The following ABTB3 variants were observed in gnomAD, a reference collection of about 807,000 sequenced individuals.
The protein encoded by ABTB3 is ankyrin repeat and BTB domain containing 3, also known as ankyrin repeat- and BTB/POZ domain-containing protein 3.
the ABTB3 span, among the ~76,000 whole-genome samples, chr12:107,387,948 T>TCTC: frequency 0.044 from 6,469 of 146,942 alleles, 212 homozygotes; most frequent in Middle Eastern, 0.092. Context: ...CCTTCTCTTT[T>TCTC]CTCCTCTTCT....
At chr12:107,401,141 C>T in the ABTB3 span, among the ~76,000 whole-genome samples, 1 of 152,190 alleles carries the variant, frequency 6.6e-6, no homozygotes, top group Non-Finnish European at 1.5e-5. Flanking sequence ...CTGTCTGTAC[C>T]ATGTTTCCCA....
chr12:107,383,598 T>C, the ABTB3 span, among the ~76,000 whole-genome samples: 1 of 152,222 alleles, frequency 6.6e-6, no homozygotes, highest in African/African-American at 2.4e-5. Context: ...TTCACAGTTA[T>C]TATCAGTGTT....
At chr12:107,385,464 C>T in the ABTB3 span, among the ~76,000 whole-genome samples, 5 of 152,268 alleles carry the variant, frequency 3.3e-5, no homozygotes, top group Admixed American at 6.5e-5. Flanking sequence ...TCTCCCATTA[C>T]ATGACAAATA....
chr12:107,346,689 G>A, the ABTB3 span, among the ~76,000 whole-genome samples: 1 of 152,168 alleles, frequency 6.6e-6, no homozygotes, highest in Non-Finnish European at 1.5e-5. Context: ...TCAATCTCCT[G>A]ACCTTGTGAT....
chr12:107,540,300 C>A, the ABTB3 span, among the ~76,000 whole-genome samples: 2 of 152,126 alleles, frequency 1.3e-5, no homozygotes, highest in African/African-American at 4.8e-5. Context: ...AGTGTTCCAG[C>A]TCCAGAAGAG....
the ABTB3 span, among the ~76,000 whole-genome samples, chr12:107,642,818 T>A: frequency 6.2e-4 from 63 of 101,438 alleles, no homozygotes; most frequent in African/African-American, 2.0e-3. Flanking sequence ...CATTTCTCCT[T>A]CTGTTTGGGG....
the ABTB3 span, among the ~76,000 whole-genome samples, chr12:107,330,193 G>GT: frequency 1.3e-5 from 2 of 152,192 alleles, no homozygotes; most frequent in African/African-American, 4.8e-5. Flanking sequence ...AGGGAGCCTG[G>GT]TAGAGGTTAG....
chr12:107,617,204 C>A, the ABTB3 span: 1 of 1,613,932 alleles, frequency 6.2e-7, no homozygotes, highest in Admixed American at 1.7e-5. Context: ...TGGTTCTCAC[C>A]CTGGCCAGGG....
the ABTB3 span, among the ~76,000 whole-genome samples, chr12:107,458,438 A>G: frequency 6.6e-6 from 1 of 152,170 alleles, no homozygotes; most frequent in South Asian, 2.1e-4. Context: ...CAGCAGCCCC[A>G]TCGATCCTTG....
the ABTB3 span, chr12:107,609,958 G>A: frequency 1.8e-6 from 1 of 543,260 alleles, no homozygotes; most frequent in Admixed American, 3.1e-5. Context: ...TAGTCGTTAT[G>A]TGACTTAGCT....
At chr12:107,543,061 C>T in the ABTB3 span, among the ~76,000 whole-genome samples, 6 of 152,112 alleles carry the variant, frequency 3.9e-5, no homozygotes, top group African/African-American at 1.4e-4. Flanking sequence ...TAGGGCAGAG[C>T]GTGGTGGCTT....
the ABTB3 span, among the ~76,000 whole-genome samples, chr12:107,495,141 G>T: frequency 6.6e-6 from 1 of 152,138 alleles, no homozygotes. Flanking sequence ...CCTCAGGAAC[G>T]CCATGCCCTC....
At chr12:107,422,794 C>G in the ABTB3 span, among the ~76,000 whole-genome samples, 1 of 152,224 alleles carries the variant, frequency 6.6e-6, no homozygotes, top group African/African-American at 2.4e-5. Context: ...TGTAACTGAA[C>G]AGTCAAGCCA....
the ABTB3 span, chr12:107,618,179 C>T: frequency 3.1e-6 from 5 of 1,614,052 alleles, no homozygotes; most frequent in South Asian, 1.1e-5. Flanking sequence ...GCAAACTGCT[C>T]GCCCAGCCAG....
the ABTB3 span, among the ~76,000 whole-genome samples, chr12:107,622,365 G>T: frequency 2.6e-5 from 4 of 152,310 alleles, no homozygotes; most frequent in South Asian, 8.3e-4. Flanking sequence ...GAAATTCCAA[G>T]TTGAGAAGAC....
At chr12:107,531,936 C>T in the ABTB3 span, among the ~76,000 whole-genome samples, 193 of 152,312 alleles carry the variant, frequency 1.3e-3, 1 homozygote, top group Non-Finnish European at 2.5e-3. Flanking sequence ...ATCCTCAGCA[C>T]CTAAGCCCAG....
the ABTB3 span, among the ~76,000 whole-genome samples, chr12:107,384,627 A>G: frequency 1.3e-5 from 2 of 152,226 alleles, no homozygotes; most frequent in African/African-American, 4.8e-5. Flanking sequence ...CAGAGGCCTC[A>G]GTACATCCCC....
chr12:107,404,263 G>A, the ABTB3 span, among the ~76,000 whole-genome samples: 1 of 150,090 alleles, frequency 6.7e-6, no homozygotes, highest in Non-Finnish European at 1.5e-5. Context: ...TAGAACTTAT[G>A]AAGAAAACAG....
At chr12:107,576,534 A>G in the ABTB3 span, among the ~76,000 whole-genome samples, 2 of 151,884 alleles carry the variant, frequency 1.3e-5, no homozygotes. Context: ...GATTAGGGCC[A>G]CTCTAATGGC....
Sources: allele counts gnomAD v4.1 joint callset (sites outside exome capture counted in the v4.1 genomes callset), GRCh38; gene constraint gnomAD v4.1.1; transcripts MANE v1.5; gene names NCBI Gene and HGNC (gene_info 2026-07-23, HGNC 2026-07-21).